Variants in TPST1 observed in about 807,000 individuals in gnomAD.
TPST1 encodes protein-tyrosine sulfotransferase 1.
Under a neutral mutation model 34.8 loss-of-function variants are expected in TPST1, and 20 were observed. The observed-to-expected ratio is 0.57, with a 90% CI of 0.40 to 0.84. The LOEUF is 0.84. Among genes scored for constraint, TPST1 ranks in the 40% least tolerant of loss-of-function variants. The pLI, the probability that TPST1 is intolerant of heterozygous loss-of-function variation, is 0.00. For synonymous variants in TPST1, 152 were observed against 159.4 expected (o/e 0.95, Z 0.35); for missense variants, 353 against 455.5 (o/e 0.78, Z 2.05).
intron 2 of TPST1, among the ~76,000 whole-genome samples, chr7:66,267,018 A>G (rs767572738): frequency 7.2e-5 from 11 of 152,204 alleles, no homozygotes; most frequent in Non-Finnish European, 1.5e-4. Context: ...TGTATACTCC[A>G]TATTATGAAA....
intron 3 of TPST1, among the ~76,000 whole-genome samples, chr7:66,337,405 G>C (rs548431699): frequency 3.8e-4 from 57 of 150,594 alleles, no homozygotes; most frequent in African/African-American, 1.4e-3. Flanking sequence ...CACCTCCTGG[G>C]TTGAAGTGAT....
intron 2 of TPST1, among the ~76,000 whole-genome samples, chr7:66,267,830 T>C (rs1790621456): frequency 6.6e-6 from 1 of 152,258 alleles, no homozygotes; most frequent in African/African-American, 2.4e-5. Context: ...ATGGAACATA[T>C]ATTGGGGGAG....
chr7:66,296,676 G>GTTTT (rs55888171), intron 3 of TPST1, among the ~76,000 whole-genome samples: 19,322 of 91,610 alleles, frequency 0.21, 2,630 homozygotes, highest in African/African-American at 0.44. Context: ...TACTGGGTTG[G>GTTTT]TTTTTTTTTT....
chr7:66,231,265 C>T (rs1161667135), intron 1 of TPST1, among the ~76,000 whole-genome samples: 2 of 152,256 alleles, frequency 1.3e-5, no homozygotes, highest in African/African-American at 4.8e-5. Context: ...TTCTCCACGT[C>T]CCCACCAGAC....
intron 1 of TPST1, among the ~76,000 whole-genome samples, chr7:66,222,843 A>G (rs1475542930): frequency 6.6e-6 from 1 of 152,124 alleles, no homozygotes; most frequent in Non-Finnish European, 1.5e-5. Context: ...TTTCCATGTG[A>G]TTGCCCCAGC....
chr7:66,228,119 T>G (rs543240109), intron 1 of TPST1, among the ~76,000 whole-genome samples: 27 of 152,238 alleles, frequency 1.8e-4, no homozygotes, highest in Non-Finnish European at 5.9e-5. Context: ...TTTCTTTTTT[T>G]GTTTTTCAAA....
At chr7:66,336,691 A>G (rs1335368059) in intron 3 of TPST1, among the ~76,000 whole-genome samples, 7 of 152,216 alleles carry the variant, frequency 4.6e-5, no homozygotes, top group Non-Finnish European at 5.9e-5. Flanking sequence ...ACTTAAGCAA[A>G]TCATGGCTGA....
chr7:66,246,020 T>C (rs1443196987), intron 2 of TPST1, among the ~76,000 whole-genome samples: 3 of 152,040 alleles, frequency 2.0e-5, no homozygotes, highest in African/African-American at 4.8e-5. Flanking sequence ...TTTTTTGGTT[T>C]TTTTTTTGGA....
intron 3 of TPST1, among the ~76,000 whole-genome samples, chr7:66,345,625 G>T (rs1342424758): frequency 6.6e-6 from 1 of 151,762 alleles, no homozygotes; most frequent in Non-Finnish European, 1.5e-5. Flanking sequence ...CACCTATGGA[G>T]AGTGGAGTGA....
intron 1 of TPST1, among the ~76,000 whole-genome samples, chr7:66,229,062 T>G (rs59109807): frequency 0.089 from 13,495 of 152,132 alleles, 754 homozygotes; most frequent in Non-Finnish European, 0.12. Flanking sequence ...CATCCACTGA[T>G]CTATAGTTTT....
intron 1 of TPST1, among the ~76,000 whole-genome samples, chr7:66,219,263 G>C (rs943772955): frequency 2.0e-5 from 3 of 151,972 alleles, no homozygotes; most frequent in African/African-American, 7.3e-5. Context: ...CAAAATTCCA[G>C]CTCCAAGTAA....
intron 1 of TPST1, among the ~76,000 whole-genome samples, chr7:66,221,958 T>C (rs375021125): frequency 1.3e-5 from 2 of 152,242 alleles, no homozygotes; most frequent in Admixed American, 6.5e-5. Flanking sequence ...GATTACTTTC[T>C]TTCTGTTTAT....
At position 66,241,128 on chromosome 7, in the gene TPST1, A is replaced by C; in HGVS notation, c.703A>C (p.Met235Leu). Residue 235 changes from methionine to leucine, a missense_variant, in exon 2 of 6, where the codon ATG becomes CTG. Coordinates refer to ENST00000304842, the MANE Select transcript of TPST1 (RefSeq NM_003596.4). ...QCMEVGYKKC[M>L]LVHYEQLVLH... Reference sequence around the variant, plus strand: ...TATGGAGGTTGGTTATAAAAAGTGCATGTTGGTTCACTATGAACAACTTGT... The same window carrying C: ...TATGGAGGTTGGTTATAAAAAGTGCCTGTTGGTTCACTATGAACAACTTGT... The C allele has an allele frequency of 6.2e-7, 1 of 1,614,196 alleles. No individual in the cohort carries two copies. Among genetic ancestry groups the C allele is most frequent in the Non-Finnish European group, 8.5e-7 (1 of 1,180,032 alleles).
chr7:66,341,208 T>C (rs774326439), intron 3 of TPST1, among the ~76,000 whole-genome samples: 1 of 152,216 alleles, frequency 6.6e-6, no homozygotes, highest in Non-Finnish European at 1.5e-5. Flanking sequence ...CACAAAGCTA[T>C]GGTAACCAAA....
chr7:66,204,434 T>A (rs1260753476), upstream of TPST1, among the ~76,000 whole-genome samples: 1 of 152,216 alleles, frequency 6.6e-6, no homozygotes, highest in Non-Finnish European at 1.5e-5. Context: ...CAGGCTGGTC[T>A]CGAACTCCTG....
At position 66,286,843 on chromosome 7, in the gene TPST1, A is replaced by G. The variant is rs9647880; in HGVS notation, c.1044+134A>G. ...TTTTTTTTTTTTTTCATTTATTTTT[A>G]TTTTATTTTATTTTATTTTTTTTAT... is the stretch of plus-strand genomic sequence containing the variant. On this transcript the variant is annotated intron_variant, in intron 3 of 5. Transcript: ENST00000304842. The G allele has an allele frequency of 1.5e-5, 4 of 274,530 alleles. 1 individual carries two copies. Among genetic ancestry groups the G allele is most frequent in the Non-Finnish European group, 2.1e-5 (4 of 192,622 alleles). 17.0% of individuals were successfully genotyped at this position (274,530 alleles called of 1,614,324 possible).
intron 1 of TPST1, among the ~76,000 whole-genome samples, chr7:66,225,473 G>A (rs553728397): frequency 3.8e-4 from 58 of 151,972 alleles, no homozygotes; most frequent in African/African-American, 5.8e-4. Context: ...TCAGCTGGGC[G>A]TGGCGGCACA....
chr7:66,225,021 G>A (rs1562802538), intron 1 of TPST1, among the ~76,000 whole-genome samples: 1 of 142,444 alleles, frequency 7.0e-6, no homozygotes, highest in Non-Finnish European at 1.5e-5. Context: ...GGGTTCAAGC[G>A]ATTCTCAAGC....
At chr7:66,278,860 A>T (rs905092102) in intron 2 of TPST1, among the ~76,000 whole-genome samples, 4 of 152,208 alleles carry the variant, frequency 2.6e-5, no homozygotes, top group African/African-American at 9.6e-5. Context: ...AAGAAAATAA[A>T]AATCATGCTG....
Sources: allele counts gnomAD v4.1 joint callset (sites outside exome capture counted in the v4.1 genomes callset), GRCh38; gene constraint gnomAD v4.1.1; transcripts MANE v1.5; gene names NCBI Gene and HGNC (gene_info 2026-07-23, HGNC 2026-07-21).